Variants in NRG2 observed in about 807,000 individuals in gnomAD.
NRG2 encodes pro-neuregulin-2, membrane-bound isoform.
A neutral mutation model predicts 73.9 loss-of-function variants in NRG2; 27 were observed. The observed-to-expected ratio is 0.37, with a 90% CI of 0.27 to 0.50. The LOEUF (loss-of-function observed/expected upper bound fraction) is 0.50, where lower values mean the gene tolerates loss of function less well. Ranked by LOEUF, NRG2 falls within the 20% of genes least tolerant of loss-of-function variation. NRG2 has a pLI of 0.96. For synonymous variants in NRG2, 532 were observed against 541.0 expected (o/e 0.98, Z 0.23); for missense variants, 1,126 against 1,210.1 (o/e 0.93, Z 1.03).
At chr5:139,906,477 T>C (rs1765238323) in intron 1 of NRG2, among the ~76,000 whole-genome samples, 1 of 152,176 alleles carries the variant, frequency 6.6e-6, no homozygotes. Flanking sequence ...CACACACACT[T>C]ACTCTATCTC....
intron 1 of NRG2, among the ~76,000 whole-genome samples, chr5:139,907,988 C>T (rs1765344996): frequency 6.6e-6 from 1 of 152,244 alleles, no homozygotes; most frequent in Non-Finnish European, 1.5e-5. Flanking sequence ...TCACGACAAT[C>T]CTGTGAGGGA....
At position 139,865,542 on chromosome 5, in the gene NRG2, A is replaced by G. The variant is rs1332297809; in HGVS notation, c.1189+7T>C. On this transcript the variant is annotated splice_region_variant and intron_variant, in intron 5 of 9. Coordinates refer to ENST00000361474, the MANE Select transcript of NRG2 (RefSeq NM_004883.3). The surrounding 1 kb of genome is among the most constrained non-coding windows in gnomAD (Gnocchi z 5.2). ...GCAGGGACTTGTGTTTGTATCTTCA[A>G]ACATACTTTGCTTAGGATCTGGCAT... is the stretch of plus-strand genomic sequence containing the variant. 1.2e-6 allele frequency: 2 copies of G among 1,611,252 alleles called. No homozygotes were observed. The highest frequency in any genetic ancestry group is 1.3e-5 in the African/African-American group (1 of 74,826).
intron 1 of NRG2, among the ~76,000 whole-genome samples, chr5:139,890,452 C>G (rs568525420): frequency 9.2e-4 from 130 of 141,684 alleles, no homozygotes; most frequent in Admixed American, 2.5e-3. Context: ...TTTTTCTTTT[C>G]TTTTCTTTCT....
At chr5:139,918,855 CAG>C (rs1159410943) in intron 1 of NRG2, among the ~76,000 whole-genome samples, 4 of 151,932 alleles carry the variant, frequency 2.6e-5, no homozygotes, top group African/African-American at 7.3e-5. Context: ...AAGGCAGAAG[CAG>C]AGAGATTCAT....
chr5:139,932,391 T>C (rs542304957), intron 1 of NRG2, among the ~76,000 whole-genome samples: 1 of 151,636 alleles, frequency 6.6e-6, no homozygotes, highest in South Asian at 2.1e-4. Context: ...AAATATTGCA[T>C]GATCTCACTT....
intron 1 of NRG2, among the ~76,000 whole-genome samples, chr5:139,991,070 T>C (rs1457777491): frequency 2.0e-5 from 3 of 151,940 alleles, no homozygotes; most frequent in African/African-American, 4.8e-5. Flanking sequence ...GGTCAGGAGT[T>C]CAAGACCAAC....
At chr5:139,985,877 A>G (rs1580878561) in intron 1 of NRG2, among the ~76,000 whole-genome samples, 1 of 152,038 alleles carries the variant, frequency 6.6e-6, no homozygotes, top group South Asian at 2.1e-4. Context: ...CCAACTCCCA[A>G]TGACCCACTG....
intron 1 of NRG2, among the ~76,000 whole-genome samples, chr5:139,938,914 AAAGAAAGAAAGAAAG>A (rs1753107700): frequency 2.8e-5 from 3 of 106,660 alleles, no homozygotes; most frequent in Non-Finnish European, 6.1e-5. Flanking sequence ...GAAAAGAAAG[AAAGAAAGAAAGAAAG>A]AAAGAAAGAA....
At chr5:140,022,430 A>G (rs1760316891) in intron 1 of NRG2, among the ~76,000 whole-genome samples, 1 of 152,208 alleles carries the variant, frequency 6.6e-6, no homozygotes, top group Non-Finnish European at 1.5e-5. Flanking sequence ...TTTCCTCATT[A>G]GCCCTTTACA....
At chr5:140,001,227 A>G (rs1758445191) in intron 1 of NRG2, among the ~76,000 whole-genome samples, 1 of 152,186 alleles carries the variant, frequency 6.6e-6, no homozygotes, top group African/African-American at 2.4e-5. Flanking sequence ...ACTAGCCTAA[A>G]AAAGCTTGAA....
At chr5:139,991,630 C>T (rs904141820) in intron 1 of NRG2, among the ~76,000 whole-genome samples, 1 of 152,184 alleles carries the variant, frequency 6.6e-6, no homozygotes, top group African/African-American at 2.4e-5. Context: ...CTCCTGACCT[C>T]TGGTGATCTG....
chr5:139,993,187 T>C (rs1757768330), intron 1 of NRG2, among the ~76,000 whole-genome samples: 1 of 152,118 alleles, frequency 6.6e-6, no homozygotes, highest in South Asian at 2.1e-4. Context: ...AGAACAGTCC[T>C]CCTCAAACAA....
chr5:139,959,145 G>T (rs1049565476), intron 1 of NRG2, among the ~76,000 whole-genome samples: 4 of 152,194 alleles, frequency 2.6e-5, no homozygotes, highest in East Asian at 1.9e-4. Context: ...ACAGGAGAGG[G>T]TGTTGGCCTT....
intron 1 of NRG2, among the ~76,000 whole-genome samples, chr5:139,967,461 A>G (rs1755619033): frequency 6.6e-6 from 1 of 152,214 alleles, no homozygotes; most frequent in Admixed American, 6.5e-5. Context: ...AATGTACCAG[A>G]CAACAAAAGC....
At chr5:139,859,577 G>A (rs1231230611) in intron 5 of NRG2, among the ~76,000 whole-genome samples, 1 of 152,030 alleles carries the variant, frequency 6.6e-6, no homozygotes, top group Non-Finnish European at 1.5e-5. Flanking sequence ...CTGCGGGTCT[G>A]CACTCAGCTC....
chr5:140,034,835 C>T (rs1450786793), intron 1 of NRG2, among the ~76,000 whole-genome samples: 1 of 152,150 alleles, frequency 6.6e-6, no homozygotes, highest in Non-Finnish European at 1.5e-5. Flanking sequence ...CACTGAACTA[C>T]AAAATGTTAC....
chr5:140,035,408 G>C (rs978002290), intron 1 of NRG2, among the ~76,000 whole-genome samples: 3 of 152,152 alleles, frequency 2.0e-5, no homozygotes, highest in Non-Finnish European at 4.4e-5. Flanking sequence ...TTAAATTACT[G>C]TTATATGATT....
chr5:139,984,308 C>T (rs921118172), intron 1 of NRG2, among the ~76,000 whole-genome samples: 8 of 152,050 alleles, frequency 5.3e-5, no homozygotes, highest in Non-Finnish European at 1.0e-4. Context: ...GATGGAACAT[C>T]AGCCATTAAA....
chr5:140,026,554 T>C (rs1445009071), intron 1 of NRG2, among the ~76,000 whole-genome samples: 1 of 151,790 alleles, frequency 6.6e-6, no homozygotes, highest in Non-Finnish European at 1.5e-5. Flanking sequence ...TATGCTATTA[T>C]CACACCTGTG....
Sources: allele counts gnomAD v4.1 joint callset (sites outside exome capture counted in the v4.1 genomes callset), GRCh38; gene constraint gnomAD v4.1.1; non-coding constraint Gnocchi (gnomAD v3.1); transcripts MANE v1.5; gene names NCBI Gene and HGNC (gene_info 2026-07-23, HGNC 2026-07-21).